Variants in SLC2A10 observed in about 807,000 individuals in gnomAD.
SLC2A10 encodes solute carrier family 2 member 10.
Under a neutral mutation model 32.1 loss-of-function variants are expected in SLC2A10, and 25 were observed. The observed-to-expected ratio is 0.78, with a 90% CI of 0.57 to 1.09. The LOEUF (loss-of-function observed/expected upper bound fraction) is 1.09, where lower values mean the gene tolerates loss of function less well. Among genes scored for constraint, SLC2A10 ranks in the 50% least tolerant of loss-of-function variants. The pLI is 0.00. For missense variants in SLC2A10, 673 were observed against 686.5 expected (o/e 0.98, Z 0.22); for synonymous variants, 332 against 309.6 (o/e 1.07, Z -0.76).
rs1346555293 is a variant in SLC2A10 at position 46,725,911 on chromosome 20, A to G, written c.875A>G (p.Asp292Gly). The G allele has an allele frequency of 1.2e-6, 2 of 1,614,064 alleles. No individual in the cohort carries two copies. Among genetic ancestry groups the G allele is most frequent in the Admixed American group, 3.3e-5 (2 of 60,026 alleles). Residue 292 changes from aspartate to glycine, a missense_variant, in exon 2 of 5, where the codon GAC becomes GGC. By Grantham distance (94) the Asp-to-Gly change is moderately conservative (BLOSUM62 -1). Transcript: ENST00000359271. ...AATLTAMGLV[D>G]RAGRRALLLA... ...ACCCTGACCGCCATGGGGCTGGTGG[A>G]CCGTGCAGGCCGCAGGGCTCTGTTG...
Position 46,725,720 on chromosome 20 carries a change from G to A in SLC2A10, c.684G>A (p.Met228Ile). The change falls in exon 2 of 5, where the codon ATG becomes ATA. Residue 228 changes from methionine to isoleucine, a missense_variant. Coordinates refer to ENST00000359271, the MANE Select transcript of SLC2A10 (RefSeq NM_030777.4). ...FLDLFRARDN[M>I]RGRTTVGLGL... ...ACCTCTTCAGGGCACGCGATAACAT[G>A]CGAGGCCGGACCACAGTGGGCCTGG... The A allele has an allele frequency of 1.2e-6, 2 of 1,614,142 alleles. No individual in the cohort carries two copies. The highest frequency in any genetic ancestry group is 8.5e-7 in the Non-Finnish European group (1 of 1,180,032).
upstream of SLC2A10, among the ~76,000 whole-genome samples, chr20:46,709,292 C>T (rs1384457341): frequency 2.0e-5 from 3 of 151,724 alleles, no homozygotes; most frequent in Non-Finnish European, 4.4e-5. Context: ...TGTGTGCGCA[C>T]GCTGGGGAGG....
At position 46,709,772 on chromosome 20, in the gene SLC2A10, GCCCGACCCCTTCCCAGGGTGTAGAC is replaced by G. The variant is rs908529084; in HGVS notation, c.4+33_4+57del. On this transcript the variant is annotated intron_variant, in intron 1 of 4. Coordinates refer to ENST00000359271, the MANE Select transcript of SLC2A10 (RefSeq NM_030777.4). ...CCCGATCGGGCGCTGCCTGCTGGAA[GCCCGACCCCTTCCCAGGGTGTAGAC>G]ACCGCCCCCACGCTCCCCTAAGAGT... The G allele has an allele frequency of 5.8e-6, 9 of 1,547,064 alleles. No homozygotes were observed. The Admixed American group carries it at 1.8e-4, about 30-fold the overall frequency.
Position 46,726,954 on chromosome 20 carries a change from T to G in SLC2A10, c.1379T>G (p.Leu460Arg). The G allele has an allele frequency of 6.2e-7, 1 of 1,614,210 alleles. No individual in the cohort carries two copies. Among genetic ancestry groups the G allele is most frequent in the Non-Finnish European group, 8.5e-7 (1 of 1,180,032 alleles). ...FCNSFNWAANLFISLSFLDLI... is the reference protein window; with the variant it reads ...FCNSFNWAANRFISLSFLDLI... The stretch of plus-strand genomic sequence containing the variant: ...AACAGCTTCAACTGGGCGGCCAACC[T>G]CTTCATCAGCCTCTCCTTCCTCGAT... Residue 460 changes from leucine (L) to arginine (R), a missense_variant, in exon 3 of 5, where the codon CTC becomes CGC. Transcript: ENST00000359271.
At chr20:46,710,103 G>C (rs1481343754) in intron 1 of SLC2A10, 5 of 459,840 alleles carry the variant, frequency 1.1e-5, no homozygotes, top group Non-Finnish European at 1.5e-5. Context: ...GCAGTTCATC[G>C]ATTCGCTGAG....
At chr20:46,712,912 C>T (rs1979014391) in intron 1 of SLC2A10, among the ~76,000 whole-genome samples, 2 of 152,112 alleles carry the variant, frequency 1.3e-5, no homozygotes, top group Admixed American at 1.3e-4. Context: ...GCCTTAGCCT[C>T]CCAAAGTATT....
intron 1 of SLC2A10, among the ~76,000 whole-genome samples, chr20:46,723,004 C>T (rs1452119380): frequency 6.6e-6 from 1 of 152,208 alleles, no homozygotes; most frequent in Admixed American, 6.5e-5. Context: ...TTTGGTTTCA[C>T]TGCTAGGAAT....
In SLC2A10 at chr20:46,729,379, C is replaced by T; in HGVS notation, c.1438C>T (p.Leu480=). 6.2e-7 allele frequency: 1 copy of T among 1,614,008 alleles called. No individual in the cohort carries two copies. Among genetic ancestry groups the T allele is most frequent in the Non-Finnish European group, 8.5e-7 (1 of 1,180,018 alleles). ...CACCATCGGCTTGTCCTGGACCTTC[C>T]TGCTCTACGGACTGACCGCTGTCCT... ...IGTIGLSWTF[L]LYGLTAVLGL... is the part of the protein sequence containing the mutation. The change falls in exon 4 of 5, where the codon CTG becomes TTG. Residue 480 remains leucine (L), a synonymous_variant. Coordinates refer to ENST00000359271, the MANE Select transcript of SLC2A10 (RefSeq NM_030777.4).
intron 1 of SLC2A10, among the ~76,000 whole-genome samples, chr20:46,719,896 C>T (rs889789976): frequency 7.2e-5 from 11 of 152,140 alleles, no homozygotes; most frequent in African/African-American, 2.2e-4. Context: ...GGTGAGGAAA[C>T]GAGTTCAAAG....
Position 46,725,368 on chromosome 20 carries a change from C to T in SLC2A10, c.332C>T (p.Ala111Val), listed in dbSNP as rs1568985187. ...CTGGGCCGCGCTGTGGTTGGCTTCG[C>T]CATTTCCCTCTCCTCCATGGCTTGC... ...LVLGRAVVGFAISLSSMACCI... is the reference protein window; with the variant it reads ...LVLGRAVVGFVISLSSMACCI... Residue 111 changes from alanine (A) to valine (V), a missense_variant, in exon 2 of 5, where the codon GCC (alanine) becomes GTC (valine). By Grantham distance (64) the Ala-to-Val change is moderately conservative (BLOSUM62 0). Coordinates refer to ENST00000359271, the MANE Select transcript of SLC2A10 (RefSeq NM_030777.4). 3.1e-6 allele frequency: 5 copies of T among 1,614,116 alleles called. No homozygotes were observed. Among genetic ancestry groups the T allele is most frequent in the Non-Finnish European group, 4.2e-6 (5 of 1,180,040 alleles).
chr20:46,721,827 C>A (rs1260863575), intron 1 of SLC2A10, among the ~76,000 whole-genome samples: 1 of 152,128 alleles, frequency 6.6e-6, no homozygotes, highest in East Asian at 1.9e-4. Context: ...TCCCTGAGAC[C>A]CACTTGCTCA....
At position 46,726,757 on chromosome 20, in the gene SLC2A10, G is replaced by C. The variant is rs1258882392; in HGVS notation, c.1289-107G>C. On this transcript the variant is annotated intron_variant, in intron 2 of 4. Transcript: ENST00000359271. ...TGGGAGTGGGAGTTTAGTATCAGGAGCCTGACACTAGAAAATCCCATTGTT... is the reference window on the plus strand; with the variant it reads ...TGGGAGTGGGAGTTTAGTATCAGGACCCTGACACTAGAAAATCCCATTGTT... 3 of 1,436,602 alleles carry C rather than the reference G, an allele frequency of 2.1e-6. No individual in the cohort carries two copies. In the African/African-American group the frequency reaches 4.2e-5, roughly 20 times the overall value. 89.0% of individuals were successfully genotyped at this position (1,436,602 alleles called of 1,614,324 possible).
rs748388694 is a variant in SLC2A10 at position 46,725,167 on chromosome 20, G to T, written c.131G>T (p.Cys44Phe). ...CTGCAGCTTGACTTTGGGCTAAGCT[G>T]CTTGGAGCAGGAGTTCCTGGTGGGC... ...LPLQLDFGLS[C>F]LEQEFLVGSL... is the part of the protein sequence containing the mutation. Residue 44 changes from cysteine (C) to phenylalanine (F), a missense_variant, in exon 2 of 5, where the codon TGC (cysteine) becomes TTC (phenylalanine). Coordinates refer to ENST00000359271, the MANE Select transcript of SLC2A10 (RefSeq NM_030777.4). 2 of 1,614,206 alleles carry T rather than the reference G, an allele frequency of 1.2e-6. No individual in the cohort carries two copies. Among genetic ancestry groups the T allele is most frequent in the South Asian group, 2.2e-5 (2 of 91,084 alleles).
In SLC2A10 at chr20:46,734,560, G is replaced by A. The variant is rs181469965; in HGVS notation, c.*726G>A. 6.6e-6 allele frequency: 1 copy of A among 152,486 alleles called. No homozygotes were observed. Among genetic ancestry groups the A allele is most frequent in the Non-Finnish European group, 1.5e-5 (1 of 68,300 alleles). 9.4% of individuals were successfully genotyped at this position (152,486 alleles called of 1,614,324 possible). A position where few individuals can be genotyped will look rare whatever the true frequency, so the allele number is the denominator to read the frequency against. On this transcript the variant is annotated 3_prime_UTR_variant, in exon 5 of 5. Coordinates refer to ENST00000359271, the MANE Select transcript of SLC2A10 (RefSeq NM_030777.4). ...AGAGTGCTAGGATTACAGGCCTTTT[G>A]ACTCTTTTATCTGAGTTTTATTGAC... is the stretch of plus-strand genomic sequence containing the variant.
chr20:46,733,948 G>C lies in SLC2A10; in HGVS notation c.*114G>C. Reference sequence around the variant, plus strand: ...AGCTGGTCTTTTGGGAGTGGCCCCTGCCCCCAAAGGTGGTCTGCTTTTGCT... The same window carrying C: ...AGCTGGTCTTTTGGGAGTGGCCCCTCCCCCCAAAGGTGGTCTGCTTTTGCT... On this transcript the variant is annotated 3_prime_UTR_variant, in exon 5 of 5. Transcript: ENST00000359271. 1.0e-6 allele frequency: 1 copy of C among 965,710 alleles called. No individual in the cohort carries two copies. Among genetic ancestry groups the C allele is most frequent in the Non-Finnish European group, 1.6e-6 (1 of 616,424 alleles). 59.8% of individuals were successfully genotyped at this position (965,710 alleles called of 1,614,324 possible).
chr20:46,730,358 T>C (rs561063481), intron 4 of SLC2A10, among the ~76,000 whole-genome samples: 1 of 151,906 alleles, frequency 6.6e-6, no homozygotes, highest in African/African-American at 2.4e-5. Context: ...TGGTGATGAG[T>C]AATTAGGAGA....
At chr20:46,709,854 G>A in intron 1 of SLC2A10, 114 bp downstream of exon 1, 2 of 1,321,420 alleles carry the variant, frequency 1.5e-6, no homozygotes, top group South Asian at 1.3e-5. Context: ...GGGCCGCCCC[G>A]GCCGGATACC....
At chr20:46,713,042 C>T (rs1275468385) in intron 1 of SLC2A10, among the ~76,000 whole-genome samples, 1 of 152,046 alleles carries the variant, frequency 6.6e-6, no homozygotes, top group Non-Finnish European at 1.5e-5. Context: ...TGTTCATGAG[C>T]CAAGATCCTT....
rs1396210131 is a variant in SLC2A10, at chr20:46,735,963, T to C, written c.*2129T>C. The C allele has an allele frequency of 6.6e-6, 1 of 152,214 alleles. No homozygotes were observed. The highest frequency in any genetic ancestry group is 1.5e-5 in the Non-Finnish European group (1 of 68,038). 9.4% of individuals were successfully genotyped at this position (152,214 alleles called of 1,614,324 possible). ...TCAACCAGCATTCATGCCGAACCTA[T>C]ACCCATTCTTCAGTGCCTAGCTGTA... is the stretch of plus-strand genomic sequence containing the variant. On this transcript the variant is annotated 3_prime_UTR_variant, in exon 5 of 5. Transcript: ENST00000359271.
Sources: allele counts gnomAD v4.1 joint callset (sites outside exome capture counted in the v4.1 genomes callset), GRCh38; gene constraint gnomAD v4.1.1; transcripts MANE v1.5; gene names NCBI Gene and HGNC (gene_info 2026-07-23, HGNC 2026-07-21).